Variants in LRRC4C observed in about 807,000 individuals in gnomAD.
LRRC4C encodes leucine-rich repeat-containing protein 4C.
In LRRC4C, 5 loss-of-function variants were observed where a neutral mutation model predicts 33.6. The ratio of observed to expected loss-of-function variants is 0.15; its 90% CI spans 0.08 to 0.31. The LOEUF (loss-of-function observed/expected upper bound fraction) is 0.31, where lower values mean the gene tolerates loss of function less well. Among genes scored for constraint, LRRC4C ranks in the 10% least tolerant of loss-of-function variants. The pLI is 1.00. For synonymous variants in LRRC4C, 329 were observed against 302.0 expected (o/e 1.09, Z -0.93); for missense variants, 560 against 796.7 (o/e 0.70, Z 3.58).
At chr11:40,971,511 A>G (rs2136993991) in intron 1 of LRRC4C, among the ~76,000 whole-genome samples, 1 of 152,330 alleles carries the variant, frequency 6.6e-6, no homozygotes, top group Middle Eastern at 3.4e-3. Context: ...AAAAGCATGG[A>G]TGTCCATGCA....
intron 1 of LRRC4C, among the ~76,000 whole-genome samples, chr11:41,173,733 C>G (rs971873048): frequency 6.6e-6 from 1 of 152,066 alleles, no homozygotes; most frequent in Non-Finnish European, 1.5e-5. Context: ...TAATCTGCCA[C>G]CCCATCTGCC....
At chr11:40,905,542 GAAA>G (rs1956378982) in intron 2 of LRRC4C, among the ~76,000 whole-genome samples, 1 of 152,154 alleles carries the variant, frequency 6.6e-6, no homozygotes, top group Non-Finnish European at 1.5e-5. Context: ...CTAACAGGCA[GAAA>G]CTACACGTTC....
chr11:41,115,165 TAAAG>T, intron 1 of LRRC4C, among the ~76,000 whole-genome samples: 1 of 152,186 alleles, frequency 6.6e-6, no homozygotes, highest in Non-Finnish European at 1.5e-5. Context: ...CAGAAAGACT[TAAAG>T]AACAAACTGT....
intron 3 of LRRC4C, among the ~76,000 whole-genome samples, chr11:40,451,475 T>TGA (rs1565401603): frequency 7.3e-6 from 1 of 136,834 alleles, no homozygotes; most frequent in Non-Finnish European, 1.5e-5. Flanking sequence ...AACCTCCGCC[T>TGA]CCTGGGTTCA....
intron 1 of LRRC4C, among the ~76,000 whole-genome samples, chr11:41,358,157 C>T (rs1952227795): frequency 6.6e-6 from 1 of 152,046 alleles, no homozygotes; most frequent in African/African-American, 2.4e-5. Flanking sequence ...GGAGAAAATA[C>T]AGCTTTTTGA....
At chr11:41,260,012 G>T (rs2136719690) in intron 1 of LRRC4C, among the ~76,000 whole-genome samples, 1 of 151,880 alleles carries the variant, frequency 6.6e-6, no homozygotes, top group South Asian at 2.1e-4. Flanking sequence ...CAAATCTCAG[G>T]TTTGCTACTC....
At chr11:40,482,584 C>G (rs892988197) in intron 3 of LRRC4C, among the ~76,000 whole-genome samples, 1 of 152,042 alleles carries the variant, frequency 6.6e-6, no homozygotes, top group Non-Finnish European at 1.5e-5. Context: ...ATTCTCTCAC[C>G]TCAGCCTCCT....
intron 5 of LRRC4C, among the ~76,000 whole-genome samples, chr11:40,206,326 C>T (rs1429980140): frequency 6.6e-6 from 1 of 152,096 alleles, no homozygotes; most frequent in Non-Finnish European, 1.5e-5. Context: ...ACCTCCGCCT[C>T]CCAGGTTCCG....
intron 1 of LRRC4C, among the ~76,000 whole-genome samples, chr11:41,293,218 G>T (rs1950040471): frequency 6.6e-6 from 1 of 151,810 alleles, no homozygotes; most frequent in South Asian, 2.1e-4. Flanking sequence ...TGCAAAACAG[G>T]TTATTTTTGT....
intron 5 of LRRC4C, among the ~76,000 whole-genome samples, chr11:40,200,765 CAAA>C (rs762650999): frequency 4.2e-5 from 3 of 70,948 alleles, no homozygotes; most frequent in Non-Finnish European, 7.2e-5. Flanking sequence ...GACTCCATCT[CAAA>C]AAAAAAAAAA....
chr11:41,128,432 G>A (rs1942854060), intron 1 of LRRC4C, among the ~76,000 whole-genome samples: 1 of 152,050 alleles, frequency 6.6e-6, no homozygotes, highest in Non-Finnish European at 1.5e-5. Context: ...TCCATATATT[G>A]CTCAAAGAGA....
chr11:40,677,642 T>C (rs895416434), intron 2 of LRRC4C, among the ~76,000 whole-genome samples: 3 of 152,190 alleles, frequency 2.0e-5, no homozygotes, highest in Non-Finnish European at 4.4e-5. Flanking sequence ...GAATCTGTTT[T>C]CTTATATTTC....
chr11:40,942,847 A>T (rs1958217891), intron 1 of LRRC4C, among the ~76,000 whole-genome samples: 1 of 152,092 alleles, frequency 6.6e-6, no homozygotes, highest in Non-Finnish European at 1.5e-5. Flanking sequence ...TCCAATCCTA[A>T]CTCTAACACC....
intron 3 of LRRC4C, among the ~76,000 whole-genome samples, chr11:40,338,555 T>C (rs1184116301): frequency 6.6e-6 from 1 of 152,218 alleles, no homozygotes; most frequent in African/African-American, 2.4e-5. Context: ...CAGCAATCTA[T>C]ATCACCAAAA....
At chr11:40,654,244 AC>A (rs1942976812) in intron 2 of LRRC4C, among the ~76,000 whole-genome samples, 1 of 152,080 alleles carries the variant, frequency 6.6e-6, no homozygotes, top group Non-Finnish European at 1.5e-5. Flanking sequence ...CATCCTCCAG[AC>A]CCCAGAATGG....
chr11:41,235,556 C>T (rs938381902), intron 1 of LRRC4C, among the ~76,000 whole-genome samples: 1 of 152,104 alleles, frequency 6.6e-6, no homozygotes, highest in Non-Finnish European at 1.5e-5. Flanking sequence ...CTCTCTCCCT[C>T]TATCCCTTAA....
chr11:40,770,647 T>A (rs1259872171), intron 2 of LRRC4C, among the ~76,000 whole-genome samples: 1 of 152,096 alleles, frequency 6.6e-6, no homozygotes, highest in Non-Finnish European at 1.5e-5. Context: ...GCCTGTAAAA[T>A]CAAAAGGAAA....
chr11:41,262,600 T>C lies in LRRC4C; in HGVS notation c.-496+196831A>G, dbSNP rs1035958569. On this transcript the variant is annotated intron_variant, in intron 1 of 6. Transcript: ENST00000528697. The stretch of plus-strand genomic sequence containing the variant: ...AGCCAGGATAACAAAATGGTTGCTA[T>C]ATCCAAGAAAACATCTACTCTGTGC... 7.2e-5 allele frequency among the ~76,000 whole-genome samples: 11 copies of C among 152,130 alleles called. No individual in the cohort carries two copies. The East Asian group carries it at 1.9e-3, about 27-fold the overall frequency.
intron 1 of LRRC4C, among the ~76,000 whole-genome samples, chr11:41,185,013 A>G (rs1242889890): frequency 3.3e-5 from 5 of 152,064 alleles, no homozygotes; most frequent in Non-Finnish European, 7.4e-5. Context: ...CTTATTCACT[A>G]TCATGCGAAC....
Sources: gnomAD v4.1 joint callset for allele counts (sites outside exome capture counted in the v4.1 genomes callset) on GRCh38, gnomAD v4.1.1 for gene constraint, MANE v1.5 for transcripts, NCBI Gene and HGNC (gene_info 2026-07-23, HGNC 2026-07-21) for gene names.